The following ADGRL3 variants were observed in gnomAD, a reference collection of about 807,000 sequenced individuals.
ADGRL3 encodes adhesion G protein-coupled receptor L3.
Under a neutral mutation model 153.5 loss-of-function variants are expected in ADGRL3, and 62 were observed. The observed-to-expected ratio is 0.40, with a 90% confidence interval of 0.33 to 0.50. ADGRL3 has a LOEUF of 0.50. Ranked by LOEUF, ADGRL3 falls within the 20% of genes least tolerant of loss-of-function variation. The probability of loss-of-function intolerance (pLI) is 0.47; values close to 1 mark genes in which losing one functional copy is unlikely to be tolerated. For missense variants in ADGRL3, 1,641 were observed against 1,859.4 expected, an observed-to-expected ratio of 0.88 and a Z score of 2.16; for synonymous variants, 710 against 672.5, an observed-to-expected ratio of 1.06 and a Z score of -0.86.
intron 4 of ADGRL3, among the ~76,000 whole-genome samples, chr4:61,578,345 C>T (rs577779976): frequency 7.2e-5 from 11 of 152,096 alleles, no homozygotes. Context: ...ACTTTTAAAG[C>T]ACCAGTACAG....
intron 23 of ADGRL3, among the ~76,000 whole-genome samples, chr4:62,037,144 T>C (rs951697761): frequency 4.6e-5 from 7 of 152,186 alleles, no homozygotes; most frequent in Admixed American, 1.3e-4. Flanking sequence ...TTGATCTCTT[T>C]TAAGAGAAAT....
At chr4:61,900,358 T>G (rs998728374) in intron 11 of ADGRL3, among the ~76,000 whole-genome samples, 1 of 152,252 alleles carries the variant, frequency 6.6e-6, no homozygotes, top group African/African-American at 2.4e-5. Flanking sequence ...AGAATCTTGA[T>G]GGTTTCAACT....
chr4:61,652,997 A>T (rs1047873226), intron 5 of ADGRL3, among the ~76,000 whole-genome samples: 1 of 152,056 alleles, frequency 6.6e-6, no homozygotes, highest in Non-Finnish European at 1.5e-5. Context: ...ATGTTGAAAC[A>T]CTAAACCCCA....
At chr4:61,945,718 C>T (rs541546511) in intron 15 of ADGRL3, among the ~76,000 whole-genome samples, 1 of 151,294 alleles carries the variant, frequency 6.6e-6, no homozygotes, top group South Asian at 2.1e-4. Context: ...TCCGTCACCC[C>T]TTTCTTTGAC....
chr4:61,985,845 G>T (rs1352811308), intron 19 of ADGRL3, among the ~76,000 whole-genome samples: 1 of 151,074 alleles, frequency 6.6e-6, no homozygotes. Flanking sequence ...TTTGTGAATT[G>T]TAATCAAGTC....
chr4:61,586,132 T>C (rs1455019481), intron 4 of ADGRL3, among the ~76,000 whole-genome samples: 3 of 152,076 alleles, frequency 2.0e-5, no homozygotes, highest in Admixed American at 6.6e-5. Context: ...AAAGTATTGT[T>C]GATAGAAAGT....
Position 61,969,549 on chromosome 4 carries a change from T to C in ADGRL3, c.2806-10014T>C, listed in dbSNP as rs560692978. ...CAGTATTGTCATGTTAGCTTTGGTA[T>C]TATAGTCATACTCATTTGCATCACT... On this transcript the variant is annotated intron_variant, in intron 17 of 26. Coordinates refer to ENST00000683033, the MANE Select transcript of ADGRL3 (RefSeq NM_001387552.1). Among the ~76,000 whole-genome samples, 4 of 152,268 alleles carry C rather than the reference T, an allele frequency of 2.6e-5. No homozygotes were observed. In the South Asian group the frequency reaches 8.3e-4, roughly 32 times the overall value.
chr4:61,604,712 A>G (rs2099025154), intron 5 of ADGRL3, among the ~76,000 whole-genome samples: 1 of 152,232 alleles, frequency 6.6e-6, no homozygotes, highest in Non-Finnish European at 1.5e-5. Context: ...TAGATAATGC[A>G]TAGTAAATGG....
intron 11 of ADGRL3, among the ~76,000 whole-genome samples, chr4:61,907,201 A>G (rs1237071193): frequency 6.6e-5 from 10 of 152,142 alleles, no homozygotes; most frequent in Non-Finnish European, 1.2e-4. Context: ...TCCCAAAAGT[A>G]AGAGGAGGAA....
At chr4:61,357,578 T>C (rs1358256483) in intron 1 of ADGRL3, among the ~76,000 whole-genome samples, 9 of 152,158 alleles carry the variant, frequency 5.9e-5, no homozygotes, top group African/African-American at 2.2e-4. Context: ...GTTTACACTG[T>C]GAGTATTTTA....
chr4:61,856,947 C>CCTCTCT (rs2098274978), intron 9 of ADGRL3, among the ~76,000 whole-genome samples: 1 of 77,954 alleles, frequency 1.3e-5, no homozygotes, highest in Non-Finnish European at 2.5e-5. Context: ...CCTCTTTCTT[C>CCTCTCT]TTCTCTTTCT....
At chr4:61,309,649 G>C (rs897292519) in intron 1 of ADGRL3, among the ~76,000 whole-genome samples, 1 of 152,082 alleles carries the variant, frequency 6.6e-6, no homozygotes, top group Non-Finnish European at 1.5e-5. Flanking sequence ...CATTGGTTTA[G>C]AGTCTTAATT....
At chr4:61,874,787 CTCTTTTTTTTTTTTTT>C (rs1242097101) in intron 9 of ADGRL3, among the ~76,000 whole-genome samples, 4 of 88,590 alleles carry the variant, frequency 4.5e-5, no homozygotes, top group African/African-American at 1.2e-4. Context: ...CATCAAAATG[CTCTTTTTTTTTTTTTT>C]TTTTTTTTTT....
chr4:61,970,691 T>A (rs2150646102), intron 17 of ADGRL3, among the ~76,000 whole-genome samples: 1 of 152,336 alleles, frequency 6.6e-6, no homozygotes, highest in Non-Finnish European at 1.5e-5. Context: ...TTTTTCAATT[T>A]GATACAAACT....
At chr4:61,925,486 A>G (rs2150032970) in intron 13 of ADGRL3, among the ~76,000 whole-genome samples, 1 of 152,264 alleles carries the variant, frequency 6.6e-6, no homozygotes, top group East Asian at 1.9e-4. Context: ...ATTTATAAAG[A>G]AAAGAGGTTT....
At chr4:61,373,028 A>G (rs989727152) in intron 1 of ADGRL3, among the ~76,000 whole-genome samples, 4 of 152,188 alleles carry the variant, frequency 2.6e-5, no homozygotes, top group South Asian at 2.1e-4. Context: ...TGATTAGGAA[A>G]GGGAACTCCC....
At chr4:61,841,465 C>T (rs899290634) in intron 9 of ADGRL3, among the ~76,000 whole-genome samples, 1 of 152,116 alleles carries the variant, frequency 6.6e-6, no homozygotes, top group Non-Finnish European at 1.5e-5. Flanking sequence ...TCATCAACCG[C>T]TCATTGTAAT....
intron 21 of ADGRL3, 36 bp from the exon 22 acceptor site, chr4:62,028,819 T>A (rs1177428246): frequency 6.4e-7 from 1 of 1,572,722 alleles, no homozygotes; most frequent in South Asian, 1.1e-5. Context: ...AATGCTAATG[T>A]TGGTGTTCTT....
intron 21 of ADGRL3, among the ~76,000 whole-genome samples, chr4:62,008,534 A>G (rs995931989): frequency 6.6e-6 from 1 of 152,138 alleles, no homozygotes; most frequent in African/African-American, 2.4e-5. Context: ...ATCATGGTTC[A>G]TAAGTATTCA....
Sources: allele counts gnomAD v4.1 joint callset (sites outside exome capture counted in the v4.1 genomes callset), GRCh38; gene constraint gnomAD v4.1.1; transcripts MANE v1.5; gene names NCBI Gene and HGNC (gene_info 2026-07-23, HGNC 2026-07-21).